Variants in GLIS1 observed in about 807,000 individuals in gnomAD.
The protein encoded by GLIS1 is GLIS family zinc finger 1.
A neutral mutation model predicts 63.8 loss-of-function variants in GLIS1; 24 were observed. The observed-to-expected ratio is 0.38, with a 90% CI of 0.27 to 0.53. The LOEUF (loss-of-function observed/expected upper bound fraction) is 0.53, where lower values mean the gene tolerates loss of function less well. GLIS1 is among the 20% of genes least tolerant of loss of function. The pLI, the probability that GLIS1 is intolerant of heterozygous loss-of-function variation, is 0.85. For missense variants in GLIS1, 1,036 were observed against 1,074.1 expected (o/e 0.96, Z 0.50); for synonymous variants, 450 against 482.5 (o/e 0.93, Z 0.88).
At chr1:53,579,175 G>GC (rs1170685475) in intron 4 of GLIS1, among the ~76,000 whole-genome samples, 1 of 152,178 alleles carries the variant, frequency 6.6e-6, no homozygotes, top group Non-Finnish European at 1.5e-5. Context: ...GGAGGAAAGG[G>GC]CCCAAAGGCA....
intron 2 of GLIS1, among the ~76,000 whole-genome samples, chr1:53,602,189 G>A (rs1450873606): frequency 1.3e-5 from 2 of 152,180 alleles, no homozygotes; most frequent in Admixed American, 1.3e-4. Flanking sequence ...TAACTGGGTT[G>A]TTTTTTAATT....
intron 2 of GLIS1, among the ~76,000 whole-genome samples, chr1:53,678,410 G>C (rs1646239473): frequency 6.6e-6 from 1 of 151,556 alleles, no homozygotes; most frequent in African/African-American, 2.4e-5. Context: ...CACAGATGAA[G>C]AAACTGAGGC....
rs191186422 is a variant in GLIS1 at position 53,554,094 on chromosome 1, T to G, written c.1321-24142A>C. Among the ~76,000 whole-genome samples the G allele has an allele frequency of 1.0e-3, 152 of 152,328 alleles. No homozygotes were observed. The East Asian group carries it at 0.026, about 26-fold the overall frequency. On this transcript the variant is annotated intron_variant, in intron 4 of 10. Transcript: ENST00000628545. The stretch of plus-strand genomic sequence containing the variant: ...CAGGGCCACCTCTCAGTGCAGAGAA[T>G]GCCATCCTGCAGCCATGAGGCCACA...
intron 2 of GLIS1, among the ~76,000 whole-genome samples, chr1:53,603,113 TCTC>T (rs1195888889): frequency 6.6e-6 from 1 of 152,098 alleles, no homozygotes; most frequent in Non-Finnish European, 1.5e-5. Flanking sequence ...GTTAGCTTCT[TCTC>T]CTCTGGATAC....
At chr1:53,590,507 A>G (rs1262701685) in intron 4 of GLIS1, among the ~76,000 whole-genome samples, 1 of 152,138 alleles carries the variant, frequency 6.6e-6, no homozygotes, top group Non-Finnish European at 1.5e-5. Flanking sequence ...ATGTGGAGAA[A>G]AGCAAGCTAC....
chr1:53,647,373 A>C (rs1645858027), intron 2 of GLIS1, among the ~76,000 whole-genome samples: 1 of 152,268 alleles, frequency 6.6e-6, no homozygotes, highest in Non-Finnish European at 1.5e-5. Flanking sequence ...ATGGAACAGA[A>C]CAGAGAATCC....
intron 2 of GLIS1, among the ~76,000 whole-genome samples, chr1:53,622,584 T>A (rs767753374): frequency 1.3e-5 from 2 of 152,084 alleles, no homozygotes; most frequent in Non-Finnish European, 2.9e-5. Flanking sequence ...ACTATCCCAG[T>A]GGGCCCTAAA....
At chr1:53,589,349 C>T (rs1298392448) in intron 4 of GLIS1, among the ~76,000 whole-genome samples, 1 of 152,216 alleles carries the variant, frequency 6.6e-6, no homozygotes, top group East Asian at 1.9e-4. Flanking sequence ...TAAGGAGCAA[C>T]TCCCTTTAGC....
chr1:53,608,549 A>G (rs984470080), intron 2 of GLIS1, among the ~76,000 whole-genome samples: 5 of 152,246 alleles, frequency 3.3e-5, no homozygotes, highest in African/African-American at 9.6e-5. Flanking sequence ...TTTTGGAGCC[A>G]GAAGACTAGG....
chr1:53,720,677 T>G (rs1010147052), intron 2 of GLIS1, among the ~76,000 whole-genome samples: 1 of 152,162 alleles, frequency 6.6e-6, no homozygotes, highest in Non-Finnish European at 1.5e-5. Flanking sequence ...TTTGGGGTGA[T>G]AGATGTCCCA....
intron 4 of GLIS1, among the ~76,000 whole-genome samples, chr1:53,584,362 A>G (rs1645113649): frequency 1.3e-5 from 2 of 152,234 alleles, no homozygotes; most frequent in South Asian, 4.1e-4. Context: ...CAAGACTATC[A>G]CATGTCAAAA....
intron 2 of GLIS1, among the ~76,000 whole-genome samples, chr1:53,611,455 T>C (rs950283196): frequency 6.6e-6 from 1 of 152,224 alleles, no homozygotes; most frequent in Non-Finnish European, 1.5e-5. Flanking sequence ...GTGTTTTTAT[T>C]GTGTTTTTCT....
At chr1:53,709,766 G>A (rs1646627027) in intron 2 of GLIS1, among the ~76,000 whole-genome samples, 1 of 152,124 alleles carries the variant, frequency 6.6e-6, no homozygotes. Context: ...TGCAGAGCTA[G>A]AGCAGAGTAC....
intron 2 of GLIS1, among the ~76,000 whole-genome samples, chr1:53,645,960 G>A (rs61776600): frequency 0.011 from 1,735 of 152,302 alleles, 18 homozygotes; most frequent in Middle Eastern, 0.054. Flanking sequence ...GAGGAATGCA[G>A]CAGTGAACAA....
At chr1:53,609,663 G>T (rs1285301121) in intron 2 of GLIS1, among the ~76,000 whole-genome samples, 1 of 152,020 alleles carries the variant, frequency 6.6e-6, no homozygotes, top group Non-Finnish European at 1.5e-5. Flanking sequence ...CATTTTATTA[G>T]CTTGTTAGAT....
intron 4 of GLIS1, among the ~76,000 whole-genome samples, chr1:53,581,606 G>A (rs1209294859): frequency 1.3e-5 from 2 of 152,178 alleles, no homozygotes. Context: ...GGAATATAGG[G>A]GCAGACAGTG....
rs1437610187 is a variant in GLIS1, at chr1:53,627,455, T to C, written c.260-27177A>G. ...CTCCCGCTTGCTGCTCCAGCTCCGA[T>C]TTTTTTCCCCCAGCCCACTGTAAAT... is the stretch of plus-strand genomic sequence containing the variant. On this transcript the variant is annotated intron_variant, in intron 2 of 10. Coordinates refer to ENST00000628545, the MANE Select transcript of GLIS1 (RefSeq NM_001367484.1). 2.0e-5 allele frequency among the ~76,000 whole-genome samples: 3 copies of C among 151,668 alleles called. No individual in the cohort carries two copies. In the East Asian group the frequency reaches 5.8e-4, roughly 29 times the overall value.
intron 8 of GLIS1, among the ~76,000 whole-genome samples, chr1:53,513,702 G>A (rs1644321031): frequency 6.6e-6 from 1 of 152,218 alleles, no homozygotes; most frequent in Admixed American, 6.5e-5. Context: ...AGTCATCGAG[G>A]CACCAGCACT....
chr1:53,602,076 T>TCCCAGCCCCAGC (rs1002665207), intron 2 of GLIS1, among the ~76,000 whole-genome samples: 6 of 152,056 alleles, frequency 3.9e-5, no homozygotes, highest in Non-Finnish European at 7.4e-5. Flanking sequence ...CACGCTACCT[T>TCCCAGCCCCAGC]CCCAGCCCCA....
Sources: allele counts gnomAD v4.1 joint callset (sites outside exome capture counted in the v4.1 genomes callset), GRCh38; gene constraint gnomAD v4.1.1; transcripts MANE v1.5; gene names NCBI Gene and HGNC (gene_info 2026-07-23, HGNC 2026-07-21).